Variants in ICA1L observed in about 807,000 individuals in gnomAD.
ICA1L encodes the protein islet cell autoantigen 1-like protein.
In ICA1L, 50 loss-of-function variants were observed where a neutral mutation model predicts 61.3. The ratio of observed to expected loss-of-function variants is 0.82; its 90% CI spans 0.65 to 1.03. ICA1L has a LOEUF of 1.03. Ranked by LOEUF, ICA1L falls within the 50% of genes least tolerant of loss-of-function variation. ICA1L has a pLI of 0.00. For synonymous variants in ICA1L, 161 were observed against 191.3 expected, an observed-to-expected ratio of 0.84 and a Z score of 1.31; for missense variants, 508 against 556.7, an observed-to-expected ratio of 0.91 and a Z score of 0.88.
intron 1 of ICA1L, among the ~76,000 whole-genome samples, chr2:202,869,958 C>T (rs952748385): frequency 3.9e-5 from 6 of 151,972 alleles, no homozygotes; most frequent in Non-Finnish European, 8.8e-5. Flanking sequence ...TATTAAATAA[C>T]AAAATCTACT....
At chr2:202,812,601 C>A (rs1159010326) in intron 8 of ICA1L, among the ~76,000 whole-genome samples, 1 of 151,662 alleles carries the variant, frequency 6.6e-6, no homozygotes, top group Non-Finnish European at 1.5e-5. Context: ...AGAAATTGAA[C>A]ACAGACATAG....
chr2:202,829,729 T>G (rs1693961022), intron 1 of ICA1L, among the ~76,000 whole-genome samples: 1 of 152,244 alleles, frequency 6.6e-6, no homozygotes, highest in South Asian at 2.1e-4. Flanking sequence ...TAATTTTAGT[T>G]AGATGACAAA....
rs1483454485 is a variant in ICA1L, at chr2:202,774,291, G to A, written c.*5242C>T. The A allele has an allele frequency of 9.2e-6, 14 of 1,527,662 alleles. No homozygotes were observed. Among genetic ancestry groups the A allele is most frequent in the Non-Finnish European group, 1.2e-5 (14 of 1,140,556 alleles). 94.6% of individuals were successfully genotyped at this position (1,527,662 alleles called of 1,614,324 possible). A position where few individuals can be genotyped will look rare whatever the true frequency, so the allele number is the denominator to read the frequency against. ...GACCCCGACGCGTGCAGGCACCTAC[G>A]GGCGACCGCGGACGGCGGCGCGCGC... is the stretch of plus-strand genomic sequence containing the variant. On this transcript the variant is annotated 3_prime_UTR_variant, in exon 13 of 13. Transcript: ENST00000358299.
Position 202,774,048 on chromosome 2 carries a change from T to G in ICA1L, c.*5485A>C, listed in dbSNP as rs530493159. 3.0e-4 allele frequency: 280 copies of G among 921,526 alleles called. 1 individual carries two copies. Among genetic ancestry groups the G allele is most frequent in the African/African-American group, 6.5e-4 (39 of 59,940 alleles). The allele number at this position is 921,526 out of a possible 1,614,324, so 57.1% of individuals were successfully genotyped here. A position where few individuals can be genotyped will look rare whatever the true frequency, so the allele number is the denominator to read the frequency against. On this transcript the variant is annotated 3_prime_UTR_variant, in exon 13 of 13. Coordinates refer to ENST00000358299, the MANE Select transcript of ICA1L (RefSeq NM_001288622.3). ...AACTAGCGCTGCTCCACTTCTTGCT[T>G]CTTTGATGTGTCATCCTAGCTGCCT... is the stretch of plus-strand genomic sequence containing the variant.
chr2:202,853,080 T>A (rs1407357677), intron 1 of ICA1L, among the ~76,000 whole-genome samples: 2 of 151,950 alleles, frequency 1.3e-5, no homozygotes, highest in East Asian at 3.9e-4. Context: ...TAAATGTGGC[T>A]GGGCGCGGTG....
At chr2:202,860,421 G>A (rs1237518260) in intron 1 of ICA1L, among the ~76,000 whole-genome samples, 1 of 151,956 alleles carries the variant, frequency 6.6e-6, no homozygotes, top group Non-Finnish European at 1.5e-5. Context: ...TTGTAATACA[G>A]GATAGACAAG....
At chr2:202,848,557 C>A (rs72934715) in intron 1 of ICA1L, among the ~76,000 whole-genome samples, 13,552 of 152,208 alleles carry the variant, frequency 0.089, 746 homozygotes, top group Non-Finnish European at 0.12. Flanking sequence ...GTACATCCAG[C>A]AAATTGCACA....
intron 1 of ICA1L, among the ~76,000 whole-genome samples, chr2:202,857,303 G>A (rs549332876): frequency 6.6e-6 from 1 of 152,038 alleles, no homozygotes; most frequent in Non-Finnish European, 1.5e-5. Flanking sequence ...ACAGAACAGA[G>A]ACCTCAGAAA....
chr2:202,857,708 A>G (rs1331411781), intron 1 of ICA1L, among the ~76,000 whole-genome samples: 2 of 152,164 alleles, frequency 1.3e-5, no homozygotes, highest in Non-Finnish European at 2.9e-5. Flanking sequence ...ATGGGGGAAA[A>G]TTTTTGCAAT....
At position 202,776,802 on chromosome 2, in the gene ICA1L, T is replaced by A. The variant is rs1317836567; in HGVS notation, c.*2731A>T. On this transcript the variant is annotated 3_prime_UTR_variant, in exon 13 of 13. Coordinates refer to ENST00000358299, the MANE Select transcript of ICA1L (RefSeq NM_001288622.3). ...AAAGAAGAAATGTTATAGAAACTAG[T>A]AACAGAATAATAAAAGTCCCTTGTA... The A allele has an allele frequency of 6.6e-6, 1 of 152,166 alleles. No individual in the cohort carries two copies. The highest frequency in any genetic ancestry group is 1.5e-5 in the Non-Finnish European group (1 of 68,042). The allele number at this position is 152,166 out of a possible 1,614,324, so 9.4% of individuals were successfully genotyped here.
At chr2:202,841,364 C>T in intron 1 of ICA1L, 1 of 856,284 alleles carries the variant, frequency 1.2e-6, no homozygotes, top group Non-Finnish European at 2.0e-6. Context: ...AGCTCTCGAA[C>T]ATGTTGTCCG....
intron 9 of ICA1L, among the ~76,000 whole-genome samples, chr2:202,810,848 G>T (rs1191836521): frequency 6.6e-6 from 1 of 152,166 alleles, no homozygotes; most frequent in African/African-American, 2.4e-5. Context: ...GCTGTGGGAT[G>T]AAATAAGCCC....
chr2:202,829,149 C>A (rs1054942811), intron 1 of ICA1L, 133 bp from the exon 2 acceptor site: 1 of 586,420 alleles, frequency 1.7e-6, no homozygotes, highest in Non-Finnish European at 2.8e-6. Flanking sequence ...GAGATCGAGA[C>A]CATCCTGGCT....
At chr2:202,791,322 G>A (rs1180905408) in intron 10 of ICA1L, among the ~76,000 whole-genome samples, 1 of 152,028 alleles carries the variant, frequency 6.6e-6, no homozygotes, top group African/African-American at 2.4e-5. Context: ...GCAAAATCGA[G>A]AAAATAAAAA....
intron 1 of ICA1L, among the ~76,000 whole-genome samples, chr2:202,866,815 C>T (rs1687530062): frequency 6.6e-6 from 1 of 152,038 alleles, no homozygotes; most frequent in Non-Finnish European, 1.5e-5. Flanking sequence ...GGTGAGGTGG[C>T]AGGCTCCTGT....
chr2:202,834,343 T>C (rs1285474510), intron 1 of ICA1L, among the ~76,000 whole-genome samples: 1 of 152,092 alleles, frequency 6.6e-6, no homozygotes, highest in East Asian at 1.9e-4. Flanking sequence ...TTAACATGCA[T>C]AGAGGCCGGG....
At chr2:202,818,709 C>A (rs967946065) in intron 5 of ICA1L, among the ~76,000 whole-genome samples, 2 of 152,060 alleles carry the variant, frequency 1.3e-5, no homozygotes, top group Admixed American at 1.3e-4. Flanking sequence ...TGCCTGCCAC[C>A]ATCCATGTAA....
chr2:202,814,519 C>T (rs555333560), intron 8 of ICA1L, among the ~76,000 whole-genome samples, 183 bp downstream of exon 8: 1 of 152,302 alleles, frequency 6.6e-6, no homozygotes, highest in Non-Finnish European at 1.5e-5. Context: ...TGATAAATTA[C>T]CCTGTCTCAG....
intron 1 of ICA1L, among the ~76,000 whole-genome samples, chr2:202,838,058 T>TG (rs1694204313): frequency 6.6e-6 from 1 of 152,098 alleles, no homozygotes; most frequent in Non-Finnish European, 1.5e-5. Flanking sequence ...TTCACCATGT[T>TG]GGCCAGGCTG....
Sources: gnomAD v4.1 joint callset for allele counts (sites outside exome capture counted in the v4.1 genomes callset) on GRCh38, gnomAD v4.1.1 for gene constraint, MANE v1.5 for transcripts, NCBI Gene and HGNC (gene_info 2026-07-23, HGNC 2026-07-21) for gene names.